Variants in SUGCT observed in about 807,000 individuals in gnomAD.
SUGCT encodes succinyl-CoA:glutarate CoA-transferase.
A neutral mutation model predicts 55.0 loss-of-function variants in SUGCT; 41 were observed. The ratio of observed to expected loss-of-function variants is 0.74; its 90% CI spans 0.58 to 0.97. SUGCT has a LOEUF of 0.97. Ranked by LOEUF, SUGCT falls within the 50% of genes least tolerant of loss-of-function variation. SUGCT has a pLI of 0.00. For synonymous variants in SUGCT, 187 were observed against 200.4 expected, an observed-to-expected ratio of 0.93 and a Z score of 0.56; for missense variants, 568 against 547.8, an observed-to-expected ratio of 1.04 and a Z score of -0.37.
At chr7:40,915,445 A>G in the SUGCT span, among the ~76,000 whole-genome samples, 1 of 152,184 alleles carries the variant, frequency 6.6e-6, no homozygotes, top group Non-Finnish European at 1.5e-5. Context: ...TTGTCTATGA[A>G]TGTTTAGTCT....
At chr7:40,921,513 C>A in the SUGCT span, among the ~76,000 whole-genome samples, 7,905 of 152,294 alleles carry the variant, frequency 0.052, 305 homozygotes, top group South Asian at 0.17. Flanking sequence ...CTAGGTGAAG[C>A]AGGCGGCACT....
chr7:40,216,425 G>T (rs1004839294), intron 6 of SUGCT, among the ~76,000 whole-genome samples: 1 of 151,194 alleles, frequency 6.6e-6, no homozygotes, highest in Admixed American at 6.6e-5. Context: ...CCTTGAGCCC[G>T]GGAGGAGGAG....
intron 9 of SUGCT, among the ~76,000 whole-genome samples, chr7:40,404,205 A>G (rs896851503): frequency 1.3e-5 from 2 of 152,180 alleles, no homozygotes; most frequent in Non-Finnish European, 2.9e-5. Context: ...CAAGTTGCCC[A>G]GTTTTGCTGG....
intron 12 of SUGCT, among the ~76,000 whole-genome samples, chr7:40,550,116 C>G (rs1795224832): frequency 6.6e-6 from 1 of 152,166 alleles, no homozygotes; most frequent in African/African-American, 2.4e-5. Flanking sequence ...ATGCTGGTGG[C>G]TCTACCACCT....
intron 7 of SUGCT, among the ~76,000 whole-genome samples, chr7:40,237,952 A>G (rs1389105598): frequency 6.6e-6 from 1 of 152,246 alleles, no homozygotes; most frequent in Non-Finnish European, 1.5e-5. Context: ...CTAAACATCA[A>G]TTTGGCCACA....
At chr7:40,185,242 C>T (rs1785435758) in intron 3 of SUGCT, among the ~76,000 whole-genome samples, 1 of 152,170 alleles carries the variant, frequency 6.6e-6, no homozygotes, top group African/African-American at 2.4e-5. Context: ...TTCAACACTG[C>T]AGCACTACAA....
At chr7:40,601,683 G>A (rs1285328980) in intron 12 of SUGCT, among the ~76,000 whole-genome samples, 1 of 151,908 alleles carries the variant, frequency 6.6e-6, no homozygotes, top group Admixed American at 6.6e-5. Context: ...TCGCAGCCTA[G>A]ATGGCTCTGA....
intron 12 of SUGCT, among the ~76,000 whole-genome samples, chr7:40,586,342 A>C (rs557532211): frequency 6.6e-6 from 1 of 152,306 alleles, no homozygotes; most frequent in Non-Finnish European, 1.5e-5. Flanking sequence ...TCTGTGACTG[A>C]GGAACTGGAT....
chr7:40,309,668 C>T (rs1795036350), intron 8 of SUGCT, among the ~76,000 whole-genome samples: 1 of 152,110 alleles, frequency 6.6e-6, no homozygotes, highest in Middle Eastern at 3.4e-3. Flanking sequence ...TTGCTCTTTA[C>T]CCTAAAACTC....
At chr7:40,734,573 A>G (rs574991754) in intron 12 of SUGCT, among the ~76,000 whole-genome samples, 55 of 152,262 alleles carry the variant, frequency 3.6e-4, no homozygotes, top group African/African-American at 1.3e-3. Context: ...CTTGCTTTAC[A>G]TTCATGCTGG....
intron 13 of SUGCT, among the ~76,000 whole-genome samples, chr7:40,836,946 A>G: frequency 6.6e-6 from 1 of 152,166 alleles, no homozygotes; most frequent in East Asian, 1.9e-4. Context: ...TCTCGGGGAT[A>G]CATGTTTAGG....
intron 9 of SUGCT, among the ~76,000 whole-genome samples, chr7:40,443,664 G>C (rs112788916): frequency 6.0e-4 from 91 of 152,128 alleles, no homozygotes; most frequent in African/African-American, 2.1e-3. Flanking sequence ...TTCTCCCATT[G>C]TGTAGGTTGC....
chr7:40,242,441 G>A (rs1420544695), intron 7 of SUGCT, among the ~76,000 whole-genome samples: 2 of 151,966 alleles, frequency 1.3e-5, no homozygotes, highest in African/African-American at 4.8e-5. Flanking sequence ...CAAAGTGCTG[G>A]GATTACAGGT....
the SUGCT span, among the ~76,000 whole-genome samples, chr7:40,957,196 C>T: frequency 1.3e-5 from 2 of 152,152 alleles, no homozygotes; most frequent in African/African-American, 4.8e-5. Flanking sequence ...TTTCATTGAT[C>T]AGTCTAATAT....
chr7:40,822,631 A>G (rs1050566615), intron 13 of SUGCT, among the ~76,000 whole-genome samples: 2 of 152,140 alleles, frequency 1.3e-5, no homozygotes, highest in Non-Finnish European at 2.9e-5. Context: ...GAGAAATTGC[A>G]TATGTAGGGG....
intron 7 of SUGCT, among the ~76,000 whole-genome samples, chr7:40,271,370 G>C (rs1792001699): frequency 1.3e-5 from 2 of 152,208 alleles, no homozygotes; most frequent in Non-Finnish European, 1.5e-5. Flanking sequence ...AGCTTAAGTG[G>C]CCCTCCCTTC....
intron 9 of SUGCT, among the ~76,000 whole-genome samples, chr7:40,424,631 A>G (rs780296565): frequency 2.6e-5 from 4 of 152,154 alleles, no homozygotes; most frequent in Admixed American, 6.5e-5. Flanking sequence ...CGGGGCTCAA[A>G]TCGGTTATCA....
At chr7:41,006,468 G>T in the SUGCT span, among the ~76,000 whole-genome samples, 1 of 152,122 alleles carries the variant, frequency 6.6e-6, no homozygotes. Flanking sequence ...AATGGAAAAA[G>T]CTTTGGGTTG....
At chr7:40,988,614 TA>T in the SUGCT span, among the ~76,000 whole-genome samples, 2 of 152,180 alleles carry the variant, frequency 1.3e-5, no homozygotes, top group Admixed American at 6.5e-5. Flanking sequence ...AGTGTGTGTT[TA>T]AAAAAATATG....
Sources: allele counts gnomAD v4.1 joint callset (sites outside exome capture counted in the v4.1 genomes callset), GRCh38; gene constraint gnomAD v4.1.1; transcripts MANE v1.5; gene names NCBI Gene and HGNC (gene_info 2026-07-23, HGNC 2026-07-21).